SAMMSON: variants seen among roughly 807,000 people sequenced by gnomAD.
SAMMSON encodes the protein long intergenic non-protein coding RNA 1212.
At chr3:70,282,686 G>A (rs1398762929) in intron 6 of SAMMSON, among the ~76,000 whole-genome samples, 1 of 152,126 alleles carries the variant, frequency 6.6e-6, no homozygotes, top group African/African-American at 2.4e-5. Flanking sequence ...CCAAATAAGA[G>A]AGGCCTTCCT....
At chr3:70,417,580 A>G (rs146530453) in intron 2 of SAMMSON, among the ~76,000 whole-genome samples, 6 of 152,210 alleles carry the variant, frequency 3.9e-5, no homozygotes, top group Admixed American at 2.6e-4. Flanking sequence ...CTTCAGACAT[A>G]GGTGGATCCA....
intron 4 of SAMMSON, among the ~76,000 whole-genome samples, chr3:70,238,316 G>C (rs1452795548): frequency 2.6e-5 from 4 of 151,998 alleles, no homozygotes; most frequent in African/African-American, 9.7e-5. Context: ...TGTGTAAAAA[G>C]TCTATCTGAG....
At chr3:70,112,859 C>G (rs2067395141) in intron 4 of SAMMSON, among the ~76,000 whole-genome samples, 1 of 152,254 alleles carries the variant, frequency 6.6e-6, no homozygotes, top group Non-Finnish European at 1.5e-5. Context: ...TTCTTTTTAT[C>G]TCTTGAGAAC....
chr3:70,093,595 G>A (rs1335117162), intron 4 of SAMMSON, among the ~76,000 whole-genome samples: 1 of 152,138 alleles, frequency 6.6e-6, no homozygotes, highest in Non-Finnish European at 1.5e-5. Flanking sequence ...CTCTTTGGGT[G>A]ACATTTAGTA....
At chr3:70,211,488 CTTCCCTTCCCTTCCCT>C (rs1701347103) in intron 4 of SAMMSON, among the ~76,000 whole-genome samples, 1 of 56,812 alleles carries the variant, frequency 1.8e-5, no homozygotes, top group African/African-American at 5.6e-5. Flanking sequence ...CTTCCTTTCC[CTTCCCTTCCCTTCCCT>C]TTGCCCTTCC....
chr3:70,036,246 A>G (rs1323239134), intron 3 of SAMMSON, among the ~76,000 whole-genome samples: 2 of 152,092 alleles, frequency 1.3e-5, no homozygotes, highest in Admixed American at 1.3e-4. Flanking sequence ...AGGTCCCTGG[A>G]GTATTGTAGA....
chr3:70,163,789 A>G (rs2067625980), intron 4 of SAMMSON, among the ~76,000 whole-genome samples: 2 of 152,052 alleles, frequency 1.3e-5, no homozygotes, highest in Admixed American at 1.3e-4. Context: ...ATTTTACTGA[A>G]GTTCCCAAAT....
At chr3:70,021,583 C>G (rs2067013506) in intron 3 of SAMMSON, among the ~76,000 whole-genome samples, 1 of 152,166 alleles carries the variant, frequency 6.6e-6, no homozygotes. Flanking sequence ...TTCAAAACCT[C>G]TCTTTGGTCT....
intron 4 of SAMMSON, among the ~76,000 whole-genome samples, chr3:70,128,821 G>A (rs910657889): frequency 6.6e-6 from 1 of 152,148 alleles, no homozygotes; most frequent in Non-Finnish European, 1.5e-5. Flanking sequence ...TATTACTAAT[G>A]ATGTCTATTA....
chr3:70,305,230 C>T (rs1702388039), intron 7 of SAMMSON, among the ~76,000 whole-genome samples: 1 of 151,478 alleles, frequency 6.6e-6, no homozygotes, highest in African/African-American at 2.4e-5. Context: ...CTTTTTTTTT[C>T]CGTCGGCTAT....
At chr3:70,323,033 A>G (rs779903631) in intron 7 of SAMMSON, among the ~76,000 whole-genome samples, 1 of 152,060 alleles carries the variant, frequency 6.6e-6, no homozygotes, top group Non-Finnish European at 1.5e-5. Flanking sequence ...TGGGGGAAGG[A>G]TAAGTGGAGA....
At position 70,271,115 on chromosome 3, in the gene SAMMSON, C is replaced by T. The variant is rs372542519; in HGVS notation, n.675-20064C>T. ...TATCGAAGCTGGGAAGTTGTATATA[C>T]TAAATTGGTGCAAAAGTCATTGTGG... On this transcript the variant is annotated intron_variant and non_coding_transcript_variant, in intron 6 of 9. Coordinates refer to ENST00000642114, the Ensembl canonical transcript of SAMMSON. 3.3e-5 allele frequency among the ~76,000 whole-genome samples: 5 copies of T among 152,080 alleles called. No homozygotes were observed. The East Asian group carries it at 7.7e-4, about 23-fold the overall frequency.
At position 70,140,343 on chromosome 3, in the gene SAMMSON, T is replaced by A. The variant is rs1290956626; in HGVS notation, n.507+68778T>A. On this transcript the variant is annotated intron_variant and non_coding_transcript_variant, in intron 4 of 9. Transcript: ENST00000642114. Reference sequence around the variant, plus strand: ...AGAGCAATGCAAGCAGCTGGAGAAATGTGTAAAGGCCAGGAGTGGCTAGAG... The same window carrying A: ...AGAGCAATGCAAGCAGCTGGAGAAAAGTGTAAAGGCCAGGAGTGGCTAGAG... 1.4e-5 allele frequency: 3 copies of A among 220,210 alleles called. No homozygotes were observed. In the East Asian group the frequency reaches 3.3e-4, roughly 24 times the overall value. The allele number at this position is 220,210 out of a possible 1,614,324, so 13.6% of individuals were successfully genotyped here.
chr3:70,200,103 C>A (rs1701223513), intron 4 of SAMMSON, among the ~76,000 whole-genome samples: 1 of 152,110 alleles, frequency 6.6e-6, no homozygotes, highest in Admixed American at 6.6e-5. Flanking sequence ...CCTGCTGTTT[C>A]CACCTCAAAT....
At chr3:70,250,129 G>T (rs991232481) in intron 6 of SAMMSON, among the ~76,000 whole-genome samples, 3 of 152,060 alleles carry the variant, frequency 2.0e-5, no homozygotes, top group Non-Finnish European at 2.9e-5. Context: ...GGATTTTTTA[G>T]CCTGTTGCTA....
At chr3:70,177,646 C>T (rs1701017876) in intron 4 of SAMMSON, among the ~76,000 whole-genome samples, 2 of 152,080 alleles carry the variant, frequency 1.3e-5, no homozygotes, top group African/African-American at 4.8e-5. Context: ...GAGAATTTAC[C>T]TCGCACTGGA....
At chr3:70,001,518 T>TA (rs1318709431) in intron 1 of SAMMSON, among the ~76,000 whole-genome samples, 47 of 152,192 alleles carry the variant, frequency 3.1e-4, no homozygotes, top group Admixed American at 2.4e-3. Context: ...CTCCCATTTT[T>TA]AAAAAACATA....
At chr3:70,392,129 G>A (rs974014397), downstream of SAMMSON, among the ~76,000 whole-genome samples, 2 of 151,938 alleles carry the variant, frequency 1.3e-5, no homozygotes, top group African/African-American at 4.8e-5. Context: ...TTTTCTTTTC[G>A]AAAACTTAAA....
intron 6 of SAMMSON, among the ~76,000 whole-genome samples, chr3:70,268,135 C>T (rs919653666): frequency 6.6e-6 from 1 of 151,742 alleles, no homozygotes; most frequent in Non-Finnish European, 1.5e-5. Flanking sequence ...GCAGAGATAT[C>T]GCATATACTC....
Sources: allele counts gnomAD v4.1 joint callset (sites outside exome capture counted in the v4.1 genomes callset), GRCh38; gene constraint gnomAD v4.1.1; transcripts MANE v1.5; gene names NCBI Gene and HGNC (gene_info 2026-07-23, HGNC 2026-07-21).